The following PDZD2 variants were observed in gnomAD, a reference collection of about 807,000 sequenced individuals.
The protein encoded by PDZD2 is PDZ domain-containing protein 2.
In PDZD2, 90 loss-of-function variants were observed where a neutral mutation model predicts 220.7. The observed-to-expected ratio is 0.41, with a 90% CI of 0.34 to 0.49. The LOEUF is 0.49. Among genes scored for constraint, PDZD2 ranks in the 20% least tolerant of loss-of-function variants. The pLI, the probability that PDZD2 is intolerant of heterozygous loss-of-function variation, is 0.28. For missense variants in PDZD2, 3,174 were observed against 3,608.5 expected, an observed-to-expected ratio of 0.88 and a Z score of 3.08; for synonymous variants, 1,375 against 1,450.5, an observed-to-expected ratio of 0.95 and a Z score of 1.18.
At position 32,048,594 on chromosome 5, in the gene PDZD2, TG is replaced by T; in HGVS notation, c.1579del (p.Asp527ThrfsTer34). On this transcript the variant is annotated frameshift_variant, in exon 8 of 25. Coordinates refer to ENST00000438447, the MANE Select transcript of PDZD2 (RefSeq NM_178140.4). LOFTEE classifies it high-confidence loss of function. ...AATATAACGAGCTGATGGTGCGGAATGGGGACCCCCGGATCCGGATGTTGGA... is the reference window on the plus strand; with the variant it reads ...AATATAACGAGCTGATGGTGCGGAATGGGACCCCCGGATCCGGATGTTGGA... ...EEYNELMVRN[G>X]DPRIRMLEVS... 1 of 1,614,020 alleles carries T rather than the reference TG, an allele frequency of 6.2e-7. No homozygotes were observed. The highest frequency in any genetic ancestry group is 8.5e-7 in the Non-Finnish European group (1 of 1,179,906).
At chr5:31,939,102 T>C (rs1272274162) in intron 2 of PDZD2, among the ~76,000 whole-genome samples, 1 of 152,032 alleles carries the variant, frequency 6.6e-6, no homozygotes, top group Non-Finnish European at 1.5e-5. Flanking sequence ...GATGAAAATA[T>C]GAAAAGTATG....
At chr5:32,015,702 AAG>A (rs143194904) in intron 6 of PDZD2, among the ~76,000 whole-genome samples, 2,557 of 152,342 alleles carry the variant, frequency 0.017, 63 homozygotes, top group African/African-American at 0.058. Flanking sequence ...TTGAAAAAGA[AAG>A]AGATTTTTCA....
chr5:32,021,244 G>A (rs1261456094), intron 6 of PDZD2, among the ~76,000 whole-genome samples: 3 of 151,386 alleles, frequency 2.0e-5, no homozygotes, highest in Admixed American at 6.6e-5. Context: ...TACCGTTACT[G>A]TTTGCTTGCC....
chr5:31,750,721 A>G (rs1750905693), intron 1 of PDZD2, among the ~76,000 whole-genome samples: 1 of 152,184 alleles, frequency 6.6e-6, no homozygotes, highest in African/African-American at 2.4e-5. Flanking sequence ...TATTCAAGAC[A>G]GAGCAAGGGG....
intron 2 of PDZD2, among the ~76,000 whole-genome samples, chr5:31,869,557 C>T (rs1435981767): frequency 6.6e-6 from 1 of 151,762 alleles, no homozygotes; most frequent in Non-Finnish European, 1.5e-5. Context: ...GAGCGAGACT[C>T]TGTCTCAAAA....
At chr5:32,073,517 TTAGA>T (rs1005910755) in intron 17 of PDZD2, among the ~76,000 whole-genome samples, 3 of 151,650 alleles carry the variant, frequency 2.0e-5, no homozygotes, top group Admixed American at 1.3e-4. Context: ...TAACAATGTG[TTAGA>T]TAATCATGGA....
At chr5:32,062,790 T>C (rs973214645) in intron 14 of PDZD2, among the ~76,000 whole-genome samples, 33 of 152,136 alleles carry the variant, frequency 2.2e-4, no homozygotes, top group African/African-American at 8.0e-4. Context: ...TGTATTGAAA[T>C]TCTCCTGACC....
chr5:31,884,677 C>G (rs1012788231), intron 2 of PDZD2, among the ~76,000 whole-genome samples: 1 of 152,114 alleles, frequency 6.6e-6, no homozygotes, highest in African/African-American at 2.4e-5. Flanking sequence ...CAACCTCCAT[C>G]TCCCAGGTTT....
intron 6 of PDZD2, among the ~76,000 whole-genome samples, chr5:32,026,395 CCCA>C (rs1274396561): frequency 6.6e-6 from 1 of 152,196 alleles, no homozygotes. Flanking sequence ...GCCTCCGCCT[CCCA>C]AAGTGCTGAG....
chr5:32,100,404 T>C lies in PDZD2; in HGVS notation c.8219-701T>C, dbSNP rs573861390. On this transcript the variant is annotated intron_variant, in intron 23 of 24. Transcript: ENST00000438447. ...GCAAGGGAGGGAAGTACAAGGCAAG[T>C]TTACAATCCTGATTCAAACCAGCCC... The C allele has an allele frequency of 5.3e-5, 10 of 189,550 alleles. No homozygotes were observed. The South Asian group carries it at 6.2e-4, about 12-fold the overall frequency. The allele number at this position is 189,550 out of a possible 1,614,324, so 11.7% of individuals were successfully genotyped here. A position where few individuals can be genotyped will look rare whatever the true frequency, so the allele number is the denominator to read the frequency against.
chr5:31,947,044 T>G (rs1429353412), intron 2 of PDZD2, among the ~76,000 whole-genome samples: 1 of 152,168 alleles, frequency 6.6e-6, no homozygotes, highest in African/African-American at 2.4e-5. Context: ...AAACCACCAC[T>G]GTAGACCTGG....
chr5:32,043,622 A>ATTTTCT (rs966234318), intron 7 of PDZD2, among the ~76,000 whole-genome samples: 4 of 151,980 alleles, frequency 2.6e-5, no homozygotes, highest in Non-Finnish European at 5.9e-5. Context: ...TACCACTGTC[A>ATTTTCT]TTTTCTTTTT....
intron 2 of PDZD2, among the ~76,000 whole-genome samples, chr5:31,836,658 G>GT (rs1424140124): frequency 6.6e-6 from 1 of 152,098 alleles, no homozygotes; most frequent in East Asian, 1.9e-4. Context: ...GTAGGCAAAG[G>GT]TTTTTTATGA....
At chr5:32,043,500 C>T (rs1737625246) in intron 7 of PDZD2, among the ~76,000 whole-genome samples, 1 of 152,220 alleles carries the variant, frequency 6.6e-6, no homozygotes, top group African/African-American at 2.4e-5. Flanking sequence ...ACATGAGTGC[C>T]TTCTAGGTGC....
At chr5:32,063,890 CTGT>C (rs1052313266) in intron 14 of PDZD2, among the ~76,000 whole-genome samples, 2 of 152,226 alleles carry the variant, frequency 1.3e-5, no homozygotes, top group African/African-American at 2.4e-5. Context: ...GAGGATGTTA[CTGT>C]TGTTAGACTG....
intron 1 of PDZD2, among the ~76,000 whole-genome samples, chr5:31,643,392 G>T (rs745416497): frequency 2.6e-5 from 4 of 152,194 alleles, no homozygotes; most frequent in Non-Finnish European, 4.4e-5. Flanking sequence ...TAAATTTAAT[G>T]TCCCTCTCTT....
In PDZD2 at chr5:31,639,773, G is replaced by A. The variant is rs1744872479; in HGVS notation, c.-361+336G>A. On this transcript the variant is annotated intron_variant, in intron 1 of 24. Transcript: ENST00000438447. The surrounding 1 kb of genome is among the most constrained non-coding windows in gnomAD (Gnocchi z 4.1). ...GACCTCCTGCTCGGGCGCGCATCCCGGGTCCCCATCCCTGGGCCGTCTTCT... is the reference window on the plus strand; with the variant it reads ...GACCTCCTGCTCGGGCGCGCATCCCAGGTCCCCATCCCTGGGCCGTCTTCT... Among the ~76,000 whole-genome samples the A allele has an allele frequency of 6.6e-6, 1 of 152,152 alleles. No individual in the cohort carries two copies. Among genetic ancestry groups the A allele is most frequent in the Non-Finnish European group, 1.5e-5 (1 of 68,028 alleles).
At chr5:31,713,550 T>A (rs1748254761) in intron 1 of PDZD2, among the ~76,000 whole-genome samples, 1 of 152,018 alleles carries the variant, frequency 6.6e-6, no homozygotes, top group African/African-American at 2.4e-5. Flanking sequence ...GGTGTTGGGG[T>A]CATGCAGGTA....
intron 1 of PDZD2, among the ~76,000 whole-genome samples, chr5:31,781,393 G>A (rs551722986): frequency 4.6e-5 from 7 of 152,220 alleles, no homozygotes; most frequent in South Asian, 2.1e-4. Flanking sequence ...CAGCCTGGGC[G>A]ACAGAGCCAG....
Sources: allele counts gnomAD v4.1 joint callset (sites outside exome capture counted in the v4.1 genomes callset), GRCh38; gene constraint gnomAD v4.1.1; non-coding constraint Gnocchi (gnomAD v3.1); transcripts MANE v1.5; gene names NCBI Gene and HGNC (gene_info 2026-07-23, HGNC 2026-07-21).